The following SETD4 variants were observed in gnomAD, a reference collection of about 807,000 sequenced individuals.
SETD4 encodes the protein SET domain-containing protein 4.
SETD4 carries 46 observed loss-of-function variants against 58.3 expected under a neutral mutation model. The ratio of observed to expected loss-of-function variants is 0.79; its 90% confidence interval spans 0.62 to 1.01. SETD4 has a LOEUF of 1.01. Among genes scored for constraint, SETD4 ranks in the 50% least tolerant of loss-of-function variants. The probability of loss-of-function intolerance (pLI) is 0.00; values close to 1 mark genes in which losing one functional copy is unlikely to be tolerated. For synonymous variants in SETD4, 190 were observed against 202.6 expected (o/e 0.94, Z 0.53); for missense variants, 490 against 523.3 (o/e 0.94, Z 0.62).
chr21:36,045,172 G>C (rs2064248180), intron 6 of SETD4, among the ~76,000 whole-genome samples: 1 of 152,188 alleles, frequency 6.6e-6, no homozygotes, highest in South Asian at 2.1e-4. Flanking sequence ...AAAAGAGCAA[G>C]TCAGTCAGCG....
At chr21:36,039,481 G>T (rs1366983316) in intron 9 of SETD4, among the ~76,000 whole-genome samples, 1 of 152,170 alleles carries the variant, frequency 6.6e-6, no homozygotes, top group Non-Finnish European at 1.5e-5. Flanking sequence ...TTGCCAGAAG[G>T]ATTTAAAGAA....
intron 9 of SETD4, among the ~76,000 whole-genome samples, chr21:36,039,488 A>G (rs570911154): frequency 6.6e-6 from 1 of 152,396 alleles, no homozygotes; most frequent in South Asian, 2.1e-4. Flanking sequence ...AAGGATTTAA[A>G]GAAGCTAACA....
chr21:36,035,964 T>C lies in SETD4; in HGVS notation c.*33-4A>G. On this transcript the variant is annotated splice_region_variant and splice_polypyrimidine_tract_variant and intron_variant, in intron 11 of 11. Transcript: ENST00000332131. Reference sequence around the variant, plus strand: ...TCTTCAAAATTAACTTTTGTTTCTGTAGGAAAAGCAAAAGGAAAAGGATTA... The same window carrying C: ...TCTTCAAAATTAACTTTTGTTTCTGCAGGAAAAGCAAAAGGAAAAGGATTA... 1 of 1,067,390 alleles carries C rather than the reference T, an allele frequency of 9.4e-7. No homozygotes were observed. Among genetic ancestry groups the C allele is most frequent in the Non-Finnish European group, 1.4e-6 (1 of 730,670 alleles). 66.1% of individuals were successfully genotyped at this position (1,067,390 alleles called of 1,614,324 possible).
At position 36,053,673 on chromosome 21, in the gene SETD4, C is replaced by T. The variant is rs762361; in HGVS notation, c.170-53G>A. 0.71 allele frequency: 1,112,094 copies of T among 1,561,894 alleles called. 398,419 individuals are homozygous for T. Among genetic ancestry groups the T allele is most frequent in the South Asian group, 0.83 (74,107 of 89,510 alleles). On this transcript the variant is annotated intron_variant, in intron 3 of 11. Transcript: ENST00000332131. ...AAATCCTACCATAACTTCAAGGTCC[C>T]AGAGATAACTATTATGGAAAAAAAA...
At chr21:36,039,983 C>A (rs1434563378) in intron 9 of SETD4, among the ~76,000 whole-genome samples, 1 of 152,252 alleles carries the variant, frequency 6.6e-6, no homozygotes, top group Non-Finnish European at 1.5e-5. Context: ...TTGAAGGCTG[C>A]TCTCCCTGCC....
At chr21:36,036,313 G>A (rs2063778979) in intron 10 of SETD4, 62 bp from the exon 11 acceptor site, 6 of 107,808 alleles carry the variant, frequency 5.6e-5, no homozygotes, top group African/African-American at 3.8e-4. Flanking sequence ...TTCACAGAAC[G>A]TACGTACCTT....
intron 5 of SETD4, among the ~76,000 whole-genome samples, chr21:36,047,937 C>T (rs894628360): frequency 6.6e-6 from 1 of 151,074 alleles, no homozygotes; most frequent in Non-Finnish European, 1.5e-5. Context: ...ACCTGGGAGG[C>T]AGTGGTTGCA....
In SETD4 at chr21:36,043,813, AT is replaced by A; in HGVS notation, c.869del (p.His290LeufsTer32). 1.2e-6 allele frequency: 2 copies of A among 1,614,230 alleles called. No homozygotes were observed. The stretch of plus-strand genomic sequence containing the variant: ...AGACATAAACACAAGCATGAGGATT[AT>A]GGACAGAAACAAATCCGTATTCCAG... The part of the protein sequence containing the change: ...LFLEYGFVSV[H>X]NPHACVYVSR... On this transcript the variant is annotated frameshift_variant, in exon 7 of 12. Coordinates refer to ENST00000332131, the MANE Select transcript of SETD4 (RefSeq NM_017438.5). LOFTEE classifies it high-confidence loss of function.
rs2065024750 is a variant in SETD4, at chr21:36,057,133, T to C, written c.145A>G (p.Asn49Asp). ...CCTGGAAAACAAGCAGGCGCTAAGT[T>C]TGAATCTTGAAACTTCCTAGCTTTC... ...WLKARKFQDS[N>D]LAPACFPGTG... Residue 49 changes from asparagine to aspartate, a missense_variant, in exon 3 of 12, where the codon AAC becomes GAC. Asn to Asp is a conservative substitution (Grantham distance 23). Coordinates refer to ENST00000332131, the MANE Select transcript of SETD4 (RefSeq NM_017438.5). 6.2e-7 allele frequency: 1 copy of C among 1,614,170 alleles called. No homozygotes were observed. The highest frequency in any genetic ancestry group is 1.3e-5 in the African/African-American group (1 of 75,050).
chr21:36,050,829 C>T (rs1221230672), intron 4 of SETD4: 17 of 1,610,974 alleles, frequency 1.1e-5, no homozygotes, highest in Admixed American at 1.7e-5. Context: ...ACGGGATGTA[C>T]GTGTCATTGT....
At position 36,036,259 on chromosome 21, in the gene SETD4, T is replaced by C. The variant is rs1452877454; in HGVS notation, c.1189-8A>G. ...ATCCTTCATATGAGACACCTGAAAG[T>C]TATTTTTTAATTATTGTTATTGTAG... On this transcript the variant is annotated splice_region_variant and splice_polypyrimidine_tract_variant and intron_variant, in intron 10 of 11. Coordinates refer to ENST00000332131, the MANE Select transcript of SETD4 (RefSeq NM_017438.5). The C allele has an allele frequency of 6.3e-7, 1 of 1,578,462 alleles. No individual in the cohort carries two copies. The highest frequency in any genetic ancestry group is 8.6e-7 in the Non-Finnish European group (1 of 1,168,472).
At position 36,045,902 on chromosome 21, in the gene SETD4, C is replaced by G; in HGVS notation, c.406G>C (p.Ala136Pro). 6.2e-7 allele frequency: 1 copy of G among 1,614,190 alleles called. No individual in the cohort carries two copies. The highest frequency in any genetic ancestry group is 8.5e-7 in the Non-Finnish European group (1 of 1,180,040). The change falls in exon 6 of 12, where the codon GCG becomes CCG. Residue 136 changes from alanine to proline, a missense_variant. Transcript: ENST00000332131. ...WKPYLEILPK[A>P]YTCPVCLEPE... ...TCCAAACAAACAGGGCAGGTATACG[C>G]CTTGGGTAAAATCTCCAGGTAAGGC...
intron 3 of SETD4, among the ~76,000 whole-genome samples, chr21:36,055,216 G>T (rs2064928924): frequency 1.3e-5 from 2 of 152,264 alleles, no homozygotes; most frequent in South Asian, 4.1e-4. Context: ...ACATATATAT[G>T]AACAAAAGCT....
chr21:36,041,834 GA>G lies in SETD4; in HGVS notation c.955del (p.Ser319LeufsTer3). ...STDKQMDKKI[S>X]ILKDHGYIEN... ...TATATAGCCATGATCCTTTAAAATAGAAATCTTTTTGTCCATCTGTTTATCT... is the reference window on the plus strand; with the variant it reads ...TATATAGCCATGATCCTTTAAAATAGAATCTTTTTGTCCATCTGTTTATCT... On this transcript the variant is annotated frameshift_variant, in exon 8 of 12. Coordinates refer to ENST00000332131, the MANE Select transcript of SETD4 (RefSeq NM_017438.5). LOFTEE classifies it high-confidence loss of function. 1 of 1,477,360 alleles carries G rather than the reference GA, an allele frequency of 6.8e-7. No homozygotes were observed. The highest frequency in any genetic ancestry group is 2.4e-5 in the East Asian group (1 of 42,076). 91.5% of individuals were successfully genotyped at this position (1,477,360 alleles called of 1,614,324 possible).
intron 4 of SETD4, 189 bp downstream of exon 4, chr21:36,053,394 C>G: frequency 1.6e-6 from 1 of 638,160 alleles, no homozygotes; most frequent in Non-Finnish European, 2.7e-6. Context: ...GCTTAAGCAC[C>G]TCAATTTTGG....
At position 36,040,102 on chromosome 21, in the gene SETD4, G is replaced by A. The variant is rs142927804; in HGVS notation, c.1064+473C>T. ...AGCAGGCAGGAACATGAGGGAGCCT[G>A]GCCAGGATGCACACCCACACCGGGG... On this transcript the variant is annotated intron_variant, in intron 9 of 11. Coordinates refer to ENST00000332131, the MANE Select transcript of SETD4 (RefSeq NM_017438.5). Among the ~76,000 whole-genome samples, 172 of 152,132 alleles carry A rather than the reference G, an allele frequency of 1.1e-3. 2 individuals carry two copies. Among genetic ancestry groups the A allele is most frequent in the East Asian group, 8.5e-3 (44 of 5,174 alleles).
intron 11 of SETD4, 44 bp from the exon 12 acceptor site, chr21:36,036,004 G>T: frequency 7.5e-7 from 1 of 1,331,414 alleles, no homozygotes; most frequent in Non-Finnish European, 1.1e-6. Context: ...CCTAATTGTT[G>T]AGTAGACACA....
At chr21:36,048,880 T>C in intron 4 of SETD4, among the ~76,000 whole-genome samples, 1 of 152,068 alleles carries the variant, frequency 6.6e-6, no homozygotes, top group East Asian at 1.9e-4. Context: ...ACCATGATGG[T>C]GCCTAATTTT....
At chr21:36,039,081 A>G (rs915322564) in intron 9 of SETD4, among the ~76,000 whole-genome samples, 2 of 152,184 alleles carry the variant, frequency 1.3e-5, no homozygotes, top group Non-Finnish European at 2.9e-5. Context: ...ACAGCCCGGA[A>G]TAGTCTCAGA....
Sources: gnomAD v4.1 joint callset for allele counts (sites outside exome capture counted in the v4.1 genomes callset) on GRCh38, gnomAD v4.1.1 for gene constraint, MANE v1.5 for transcripts, NCBI Gene and HGNC (gene_info 2026-07-23, HGNC 2026-07-21) for gene names.